Variants in CHAF1A observed in about 807,000 individuals in gnomAD.
CHAF1A encodes the protein CAF-1 subunit A.
CHAF1A carries 5 observed loss-of-function variants against 93.2 expected under a neutral mutation model. The ratio of observed to expected loss-of-function variants is 0.05; its 90% CI spans 0.03 to 0.11. CHAF1A has a LOEUF of 0.11. Among genes scored for constraint, CHAF1A ranks in the 10% least tolerant of loss-of-function variants. CHAF1A has a pLI of 1.00. For synonymous variants in CHAF1A, 504 were observed against 510.3 expected (o/e 0.99, Z 0.17); for missense variants, 1,102 against 1,259.9 (o/e 0.87, Z 1.90).
downstream of CHAF1A, chr19:4,446,037 GC>G: frequency 6.2e-7 from 1 of 1,604,790 alleles, no homozygotes; most frequent in Non-Finnish European, 8.5e-7. Flanking sequence ...GCTCCTGCGG[GC>G]CGACACTCAC....
chr19:4,406,008 C>A, intron 2 of CHAF1A, 46 bp downstream of exon 2: 1 of 1,487,794 alleles, frequency 6.7e-7, no homozygotes. Context: ...AGTTTATAGT[C>A]TTCCTTGTCT....
At chr19:4,445,657 A>C, downstream of CHAF1A, 1 of 1,595,284 alleles carries the variant, frequency 6.3e-7, no homozygotes, top group Non-Finnish European at 8.6e-7. Flanking sequence ...TCTGAGACCG[A>C]GAGTCGGCCC....
At chr19:4,445,648 CTG>C, downstream of CHAF1A, 2 of 1,603,638 alleles carry the variant, frequency 1.2e-6, no homozygotes, top group Non-Finnish European at 1.7e-6. Context: ...GGCCGTCACT[CTG>C]AGACCGAGAG....
Position 4,429,469 on chromosome 19 carries a change from G to A in CHAF1A, c.1636G>A (p.Asp546Asn), listed in dbSNP as rs769245937. 35 of 1,613,960 alleles carry A rather than the reference G, an allele frequency of 2.2e-5. No homozygotes were observed. The highest frequency in any genetic ancestry group is 2.0e-4 in the African/African-American group (15 of 74,896). Reference protein sequence around the residue: ...DVVIVERGKGDGVPERRKFGR... With the variant: ...DVVIVERGKGNGVPERRKFGR... ...CGTCATCGTGGAGCGTGGGAAGGGC[G>A]ACGGTGTTCCCGAGAGGAGGAAGTT... Residue 546 changes from aspartate to asparagine, a missense_variant, in exon 9 of 15, where the codon GAC becomes AAC. By Grantham distance (23) the Asp-to-Asn change is conservative. This residue lies in a region of CHAF1A where 335 missense variants were observed against 361.9 expected (regional missense o/e 0.93). Transcript: ENST00000301280.
At chr19:4,441,173 C>T (rs950233924) in intron 13 of CHAF1A, among the ~76,000 whole-genome samples, 69 of 151,712 alleles carry the variant, frequency 4.5e-4, no homozygotes, top group African/African-American at 1.6e-3. Flanking sequence ...AAAAATTAGC[C>T]GGGTGTGGTG....
At chr19:4,427,637 G>A (rs1201866639) in intron 7 of CHAF1A, among the ~76,000 whole-genome samples, 2 of 149,338 alleles carry the variant, frequency 1.3e-5, no homozygotes, top group African/African-American at 2.5e-5. Context: ...CCCCAGGCTG[G>A]AGTGCAGTGG....
At chr19:4,427,985 A>G (rs1307654793) in intron 7 of CHAF1A, among the ~76,000 whole-genome samples, 1 of 151,622 alleles carries the variant, frequency 6.6e-6, no homozygotes, top group Non-Finnish European at 1.5e-5. Context: ...CAGCCTCCCA[A>G]AGTGGTGGGA....
In CHAF1A at chr19:4,429,619, C is replaced by T. The variant is rs1974145080; in HGVS notation, c.1773+13C>T. The T allele has an allele frequency of 2.5e-6, 4 of 1,613,988 alleles. No individual in the cohort carries two copies. Among genetic ancestry groups the T allele is most frequent in the Non-Finnish European group, 2.5e-6 (3 of 1,180,022 alleles). ...GGCCCAGGACACGGTGAGCTAGCCC[C>T]AGAGTGCCTCCGTCCCCGTACCTCC... On this transcript the variant is annotated intron_variant, in intron 9 of 14. Transcript: ENST00000301280.
chr19:4,440,478 G>A (rs921597282), intron 13 of CHAF1A, among the ~76,000 whole-genome samples: 4 of 151,728 alleles, frequency 2.6e-5, no homozygotes, highest in South Asian at 2.1e-4. Flanking sequence ...GCGTGATGGC[G>A]GGTGCCTGTA....
intron 1 of CHAF1A, among the ~76,000 whole-genome samples, chr19:4,405,623 A>AT (rs1973666623): frequency 6.6e-6 from 1 of 151,626 alleles, no homozygotes; most frequent in African/African-American, 2.4e-5. Context: ...AAAAAAAAAA[A>AT]ATTTTTTTTT....
chr19:4,427,077 C>G (rs555642125), intron 7 of CHAF1A, among the ~76,000 whole-genome samples: 1 of 137,144 alleles, frequency 7.3e-6, no homozygotes, highest in African/African-American at 2.7e-5. Flanking sequence ...CGCAATGAAG[C>G]GAGACTCCAT....
intron 10 of CHAF1A, 200 bp downstream of exon 10, chr19:4,429,988 C>T (rs745805189): frequency 1.2e-4 from 66 of 550,202 alleles, no homozygotes; most frequent in Non-Finnish European, 1.6e-4. Flanking sequence ...TGGTGACACT[C>T]GCCCACGTGG....
At chr19:4,447,213 C>T, downstream of CHAF1A, 1 of 577,426 alleles carries the variant, frequency 1.7e-6, no homozygotes, top group East Asian at 2.9e-5. Context: ...GCCCAGGACC[C>T]CAGTCCCTGC....
intron 1 of CHAF1A, among the ~76,000 whole-genome samples, chr19:4,404,018 A>G (rs561913193): frequency 5.3e-5 from 8 of 151,486 alleles, no homozygotes; most frequent in African/African-American, 9.7e-5. Flanking sequence ...ACGGGGTTTC[A>G]CCATGTTGGG....
downstream of CHAF1A, chr19:4,445,919 C>G: frequency 7.0e-7 from 1 of 1,433,532 alleles, no homozygotes; most frequent in Non-Finnish European, 9.3e-7. Flanking sequence ...AAGCAGGATT[C>G]AAACCCAGGG....
chr19:4,427,227 G>A lies in CHAF1A; in HGVS notation c.1378-1437G>A, dbSNP rs576893268. ...TACAGTGGCGTGATCTGGGCTCACTGCAACCTCTGCCTCCCAGATCCAAAC... is the reference window on the plus strand; with the variant it reads ...TACAGTGGCGTGATCTGGGCTCACTACAACCTCTGCCTCCCAGATCCAAAC... On this transcript the variant is annotated intron_variant, in intron 7 of 14. Transcript: ENST00000301280. 7.1e-4 allele frequency among the ~76,000 whole-genome samples: 88 copies of A among 124,170 alleles called. 1 individual carries two copies. Among genetic ancestry groups the A allele is most frequent in the African/African-American group, 2.6e-3 (86 of 33,144 alleles). The allele number at this position is 124,170 out of a possible 152,430, so 81.5% of individuals were successfully genotyped here.
At chr19:4,427,085 C>A (rs568153087) in intron 7 of CHAF1A, among the ~76,000 whole-genome samples, 56 of 133,004 alleles carry the variant, frequency 4.2e-4, no homozygotes, top group Admixed American at 6.5e-4. Flanking sequence ...AGCGAGACTC[C>A]ATCTCAGAAA....
At chr19:4,446,701 T>C (rs772230469), downstream of CHAF1A, 4 of 1,610,316 alleles carry the variant, frequency 2.5e-6, no homozygotes, top group Non-Finnish European at 2.5e-6. Context: ...GCTCAGCACG[T>C]AGAACTCCTC....
At position 4,409,129 on chromosome 19, in the gene CHAF1A, T is replaced by G; in HGVS notation, c.330T>G (p.Ile110Met). 6.2e-7 allele frequency: 1 copy of G among 1,614,184 alleles called. No individual in the cohort carries two copies. Among genetic ancestry groups the G allele is most frequent in the South Asian group, 1.1e-5 (1 of 91,082 alleles). Reference sequence around the variant, plus strand: ...TAAGAAATAGAATCGAAACCAGTATTGGCCAGAGCACAGTCATCATTGATT... The same window carrying G: ...TAAGAAATAGAATCGAAACCAGTATGGGCCAGAGCACAGTCATCATTGATT... ...NFLRNRIETS[I>M]GQSTVIIDLT... The change falls in exon 3 of 15, where the codon ATT (isoleucine) becomes ATG (methionine). Residue 110 changes from isoleucine to methionine, a missense_variant. Coordinates refer to ENST00000301280, the MANE Select transcript of CHAF1A (RefSeq NM_005483.3).
Sources: gnomAD v4.1 joint callset for allele counts (sites outside exome capture counted in the v4.1 genomes callset) on GRCh38, gnomAD v4.1.1 for gene constraint, gnomAD v4.1.1 regional missense constraint, MANE v1.5 for transcripts, NCBI Gene and HGNC (gene_info 2026-07-23, HGNC 2026-07-21) for gene names.